The following ANKRD12 variants were observed in gnomAD, a reference collection of about 807,000 sequenced individuals.
The protein encoded by ANKRD12 is ankyrin repeat domain 12.
Under a neutral mutation model 183.4 loss-of-function variants are expected in ANKRD12, and 85 were observed. The observed-to-expected ratio is 0.46, with a 90% CI of 0.39 to 0.56. The LOEUF (loss-of-function observed/expected upper bound fraction) is 0.56. Among genes scored for constraint, ANKRD12 ranks in the 20% least tolerant of loss-of-function variants. ANKRD12 has a pLI of 0.00. For missense variants in ANKRD12, 2,405 were observed against 2,357.1 expected (o/e 1.02, Z -0.42); for synonymous variants, 914 against 800.2 (o/e 1.14, Z -2.40).
intron 8 of ANKRD12, among the ~76,000 whole-genome samples, chr18:9,224,833 C>A (rs2036617242): frequency 6.6e-6 from 1 of 152,040 alleles, no homozygotes; most frequent in Non-Finnish European, 1.5e-5. Context: ...TCTTGTGTAG[C>A]CATTGTGTTT....
At chr18:9,210,407 C>T (rs1455253540) in intron 5 of ANKRD12, among the ~76,000 whole-genome samples, 1 of 151,692 alleles carries the variant, frequency 6.6e-6, no homozygotes, top group Non-Finnish European at 1.5e-5. Context: ...AAACTATTAC[C>T]GAGACAATGT....
chr18:9,277,863 A>C (rs944903652), intron 11 of ANKRD12, among the ~76,000 whole-genome samples: 3 of 152,242 alleles, frequency 2.0e-5, no homozygotes, highest in African/African-American at 7.2e-5. Flanking sequence ...TTCCTAGAAC[A>C]GTATAAATTT....
chr18:9,221,593 AATG>A (rs772911303), intron 7 of ANKRD12, among the ~76,000 whole-genome samples: 2 of 152,186 alleles, frequency 1.3e-5, no homozygotes, highest in African/African-American at 2.4e-5. Flanking sequence ...AGGATGAAAA[AATG>A]ATGAGATTAA....
Position 9,279,566 on chromosome 18 carries a change from T to C in ANKRD12, c.5925T>C (p.Thr1975=). The change falls in exon 12 of 13, where the codon ACT becomes ACC. Residue 1975 remains threonine (T), a synonymous_variant. Coordinates refer to ENST00000262126, the MANE Select transcript of ANKRD12 (RefSeq NM_015208.5). ...PLDSQSDDSK[T]SVRDRFNARQ... ...TCTTTTAGTCTGATGACAGTAAAACTTCTGTGAGGGATCGCTTTAATGCAA... is the reference window on the plus strand; with the variant it reads ...TCTTTTAGTCTGATGACAGTAAAACCTCTGTGAGGGATCGCTTTAATGCAA... 1 of 1,599,876 alleles carries C rather than the reference T, an allele frequency of 6.3e-7. No individual in the cohort carries two copies.
intron 9 of ANKRD12, chr18:9,259,434 C>CACATTTATGTGTTTAACATAGAT (rs1567986518): frequency 6.7e-5 from 10 of 150,338 alleles, no homozygotes; most frequent in Admixed American, 2.0e-4. Context: ...TTAACATAGA[C>CACATTTATGTGTTTAACATAGAT]ACATTTATGT....
chr18:9,165,926 T>A (rs989182102), intron 1 of ANKRD12, among the ~76,000 whole-genome samples: 7 of 143,524 alleles, frequency 4.9e-5, no homozygotes, highest in Non-Finnish European at 1.0e-4. Context: ...TGTGTCCAAG[T>A]GTTCTCATTG....
chr18:9,179,723 C>T (rs2033559073), intron 1 of ANKRD12, among the ~76,000 whole-genome samples: 1 of 152,094 alleles, frequency 6.6e-6, no homozygotes, highest in Non-Finnish European at 1.5e-5. Context: ...GCCATGTTGT[C>T]CTCAGGCTGG....
chr18:9,191,572 G>A (rs2034457537), intron 2 of ANKRD12, among the ~76,000 whole-genome samples: 2 of 151,818 alleles, frequency 1.3e-5, no homozygotes, highest in South Asian at 2.1e-4. Context: ...TCTTTTATTC[G>A]TAACAATGAT....
At chr18:9,166,766 G>C (rs1356617932) in intron 1 of ANKRD12, among the ~76,000 whole-genome samples, 1 of 152,000 alleles carries the variant, frequency 6.6e-6, no homozygotes, top group Non-Finnish European at 1.5e-5. Context: ...CATTGCTTTT[G>C]GTGTTTTAGT....
intron 8 of ANKRD12, among the ~76,000 whole-genome samples, chr18:9,224,982 A>G (rs559276405): frequency 1.3e-5 from 2 of 152,160 alleles, no homozygotes; most frequent in Non-Finnish European, 2.9e-5. Flanking sequence ...TGTGCCTGCA[A>G]TTCCAGCTAT....
chr18:9,164,903 T>A lies in ANKRD12; in HGVS notation c.-51-17479T>A, dbSNP rs140251835. Among the ~76,000 whole-genome samples, 434 of 152,330 alleles carry A rather than the reference T, an allele frequency of 2.8e-3. 2 individuals are homozygous for A. The highest frequency in any genetic ancestry group is 0.017 in the Middle Eastern group (5 of 294). On this transcript the variant is annotated intron_variant, in intron 1 of 12. Coordinates refer to ENST00000262126, the MANE Select transcript of ANKRD12 (RefSeq NM_015208.5). ...TTTTGAGTGGAGCGTTCTGTAGATA[T>A]CTGTCAGGTCTGCTTGATCCAGAGC...
chr18:9,209,670 C>T (rs1417769950), intron 5 of ANKRD12, among the ~76,000 whole-genome samples: 1 of 152,192 alleles, frequency 6.6e-6, no homozygotes, highest in Admixed American at 6.5e-5. Flanking sequence ...TGGTTACTCA[C>T]TCCTACCTTT....
chr18:9,210,323 T>TCTAAG (rs1236295933), intron 5 of ANKRD12, among the ~76,000 whole-genome samples: 1 of 152,204 alleles, frequency 6.6e-6, no homozygotes, highest in Non-Finnish European at 1.5e-5. Flanking sequence ...TGAGAAGTCT[T>TCTAAG]CTAAGCAGTG....
chr18:9,151,149 A>G (rs1484723759), intron 1 of ANKRD12, among the ~76,000 whole-genome samples: 1 of 152,216 alleles, frequency 6.6e-6, no homozygotes, highest in Non-Finnish European at 1.5e-5. Flanking sequence ...TTAAATAGCT[A>G]AGGCAGGGAG....
At chr18:9,252,744 C>T (rs1326016417) in intron 8 of ANKRD12, among the ~76,000 whole-genome samples, 6 of 152,154 alleles carry the variant, frequency 3.9e-5, no homozygotes, top group African/African-American at 9.7e-5. Context: ...GTGAGTGGAT[C>T]ACTTGAGCTC....
chr18:9,189,637 A>G (rs1321696576), intron 2 of ANKRD12, among the ~76,000 whole-genome samples: 2 of 152,190 alleles, frequency 1.3e-5, no homozygotes, highest in Non-Finnish European at 2.9e-5. Flanking sequence ...TCCATTGCAA[A>G]AACGCCAAGA....
chr18:9,185,010 G>A (rs2033950703), intron 2 of ANKRD12, among the ~76,000 whole-genome samples: 1 of 152,200 alleles, frequency 6.6e-6, no homozygotes, highest in African/African-American at 2.4e-5. Flanking sequence ...TTCAGCGATA[G>A]CCTAATAGTA....
chr18:9,150,100 G>GT (rs2078636313), intron 1 of ANKRD12, among the ~76,000 whole-genome samples: 1 of 152,030 alleles, frequency 6.6e-6, no homozygotes, highest in Non-Finnish European at 1.5e-5. Context: ...GGCCTGTAAT[G>GT]TATTTATTTT....
intron 4 of ANKRD12, among the ~76,000 whole-genome samples, chr18:9,206,314 T>C (rs986441568): frequency 1.3e-5 from 2 of 152,034 alleles, no homozygotes; most frequent in African/African-American, 4.8e-5. Flanking sequence ...TCTTGAGAAG[T>C]AGCTAACTTT....
Sources: allele counts gnomAD v4.1 joint callset (sites outside exome capture counted in the v4.1 genomes callset), GRCh38; gene constraint gnomAD v4.1.1; transcripts MANE v1.5; gene names NCBI Gene and HGNC (gene_info 2026-07-23, HGNC 2026-07-21).